Variants in MAN1A1 observed in about 807,000 individuals in gnomAD.
MAN1A1 encodes the protein mannosyl-oligosaccharide 1,2-alpha-mannosidase IA.
In MAN1A1, 29 loss-of-function variants were observed where a neutral mutation model predicts 70.8. The observed-to-expected ratio is 0.41, with a 90% confidence interval of 0.31 to 0.56. The LOEUF (loss-of-function observed/expected upper bound fraction) is 0.56. MAN1A1 is among the 20% of genes least tolerant of loss of function. The probability of loss-of-function intolerance (pLI) is 0.29; values close to 1 mark genes in which losing one functional copy is unlikely to be tolerated. For missense variants in MAN1A1, 747 were observed against 841.3 expected, an observed-to-expected ratio of 0.89 and a Z score of 1.39; for synonymous variants, 349 against 330.1, an observed-to-expected ratio of 1.06 and a Z score of -0.62.
At chr6:119,191,710 G>C (rs1187252102) in intron 9 of MAN1A1, among the ~76,000 whole-genome samples, 13 of 152,030 alleles carry the variant, frequency 8.6e-5, no homozygotes, top group Non-Finnish European at 1.6e-4. Flanking sequence ...ATGATAGCCA[G>C]TTGAAAGCTC....
intron 6 of MAN1A1, among the ~76,000 whole-genome samples, chr6:119,213,071 G>C (rs1290560055): frequency 6.6e-6 from 1 of 152,280 alleles, no homozygotes; most frequent in East Asian, 1.9e-4. Context: ...TAATTTTTAA[G>C]CTGCATGAGG....
At chr6:119,193,157 A>G (rs1005164161) in intron 9 of MAN1A1, among the ~76,000 whole-genome samples, 3 of 152,184 alleles carry the variant, frequency 2.0e-5, no homozygotes, top group African/African-American at 7.2e-5. Flanking sequence ...AATAATCTCA[A>G]GTACTGTGAG....
intron 3 of MAN1A1, among the ~76,000 whole-genome samples, chr6:119,304,753 T>C (rs560867798): frequency 1.3e-5 from 2 of 152,304 alleles, no homozygotes; most frequent in Admixed American, 6.5e-5. Context: ...TAATGCCTAA[T>C]ACTTTCTCCA....
intron 2 of MAN1A1, 84 bp downstream of exon 2, chr6:119,348,379 G>T: frequency 1.5e-6 from 2 of 1,310,498 alleles, no homozygotes; most frequent in Non-Finnish European, 2.1e-6. Context: ...TTGCATTGTT[G>T]CAGTCTTCAG....
At chr6:119,242,590 T>C (rs1215112047) in intron 6 of MAN1A1, among the ~76,000 whole-genome samples, 1 of 152,184 alleles carries the variant, frequency 6.6e-6, no homozygotes, top group East Asian at 1.9e-4. Flanking sequence ...CATATTCATA[T>C]ATACTCTTTC....
chr6:119,250,215 C>T (rs1775279958), intron 5 of MAN1A1, among the ~76,000 whole-genome samples: 1 of 152,174 alleles, frequency 6.6e-6, no homozygotes, highest in African/African-American at 2.4e-5. Flanking sequence ...TGGTTTCTAC[C>T]CAACTTGTAA....
chr6:119,296,282 G>C (rs1430066575), intron 4 of MAN1A1, among the ~76,000 whole-genome samples: 2 of 152,090 alleles, frequency 1.3e-5, no homozygotes, highest in African/African-American at 2.4e-5. Flanking sequence ...TAATAGACTG[G>C]TTTTACCATG....
intron 3 of MAN1A1, among the ~76,000 whole-genome samples, chr6:119,302,893 C>T (rs10457352): frequency 0.32 from 48,304 of 152,070 alleles, 8,184 homozygotes; most frequent in Non-Finnish European, 0.36. Context: ...CCCTCCATCC[C>T]CTACAAGTCC....
intron 2 of MAN1A1, among the ~76,000 whole-genome samples, chr6:119,334,803 T>C (rs1247129244): frequency 6.6e-6 from 1 of 152,264 alleles, no homozygotes; most frequent in African/African-American, 2.4e-5. Context: ...TTTACACATG[T>C]AGTTATCTCT....
At chr6:119,333,569 A>G (rs1467745332) in intron 2 of MAN1A1, among the ~76,000 whole-genome samples, 1 of 152,246 alleles carries the variant, frequency 6.6e-6, no homozygotes, top group African/African-American at 2.4e-5. Flanking sequence ...ACAGAAAAAG[A>G]CAGCTAATAC....
At chr6:119,199,327 T>A (rs78437356) in intron 8 of MAN1A1, among the ~76,000 whole-genome samples, 1 of 152,150 alleles carries the variant, frequency 6.6e-6, no homozygotes, top group Non-Finnish European at 1.5e-5. Flanking sequence ...GCCTAAATAA[T>A]CATTTTTTAA....
intron 5 of MAN1A1, among the ~76,000 whole-genome samples, chr6:119,282,158 C>G (rs1768736957): frequency 6.6e-6 from 1 of 152,194 alleles, no homozygotes. Context: ...GCAATGAGAT[C>G]AAGGGCTAGG....
Position 119,306,908 on chromosome 6 carries a change from T to C in MAN1A1, c.688A>G (p.Ser230Gly), listed in dbSNP as rs761148884. 56 of 1,584,854 alleles carry C rather than the reference T, an allele frequency of 3.5e-5. No individual in the cohort carries two copies. Among genetic ancestry groups the C allele is most frequent in the Non-Finnish European group, 4.8e-5 (55 of 1,153,860 alleles). The change falls in exon 3 of 13, where the codon AGC (serine) becomes GGC (glycine). Residue 230 changes from serine to glycine, a missense_variant. Ser to Gly is a moderately conservative substitution (Grantham distance 56, BLOSUM62 0). Around this residue, in one of 2 missense-constraint regions of MAN1A1, gnomAD observed 419 missense variants for 548.2 expected, o/e 0.76. Transcript: ENST00000368468. ...LKPISKGGHSSSLFGNIKGAT... is the reference protein window; with the variant it reads ...LKPISKGGHSGSLFGNIKGAT... Reference sequence around the variant, plus strand: ...CACATCTACTCACCAAACAAACTGCTTGAATGGCCTCCTTTTGATATAGGT... The same window carrying C: ...CACATCTACTCACCAAACAAACTGCCTGAATGGCCTCCTTTTGATATAGGT...
At chr6:119,209,100 A>AG (rs1773972796) in intron 6 of MAN1A1, among the ~76,000 whole-genome samples, 1 of 151,828 alleles carries the variant, frequency 6.6e-6, no homozygotes, top group Non-Finnish European at 1.5e-5. Context: ...CAAAAAAAAA[A>AG]AAAAAAAAAG....
At chr6:119,283,163 G>A (rs1317983333) in intron 5 of MAN1A1, among the ~76,000 whole-genome samples, 1 of 152,206 alleles carries the variant, frequency 6.6e-6, no homozygotes, top group Non-Finnish European at 1.5e-5. Flanking sequence ...TAGAGATCAT[G>A]CATATTGTCC....
At chr6:119,321,935 G>C (rs1293769221) in intron 2 of MAN1A1, among the ~76,000 whole-genome samples, 1 of 152,038 alleles carries the variant, frequency 6.6e-6, no homozygotes, top group African/African-American at 2.4e-5. Flanking sequence ...TGTTTACTTT[G>C]AGCAATGGTA....
chr6:119,219,217 C>T lies in MAN1A1; in HGVS notation c.993-14335G>A, dbSNP rs147707413. Among the ~76,000 whole-genome samples the T allele has an allele frequency of 7.3e-4, 110 of 151,042 alleles. 1 individual carries two copies. The East Asian group carries it at 0.012, about 17-fold the overall frequency. On this transcript the variant is annotated intron_variant, in intron 6 of 12. Coordinates refer to ENST00000368468, the MANE Select transcript of MAN1A1 (RefSeq NM_005907.4). ...TTTCTTTATAGAGATTTAGTGTTTT[C>T]ATCAATATTTCTCCATAAAGAGAAG...
At chr6:119,242,482 G>C (rs1775039364) in intron 6 of MAN1A1, among the ~76,000 whole-genome samples, 1 of 152,084 alleles carries the variant, frequency 6.6e-6, no homozygotes, top group Non-Finnish European at 1.5e-5. Flanking sequence ...AGCTTGAACA[G>C]GTCAGGAGCA....
chr6:119,189,771 C>A lies in MAN1A1; in HGVS notation c.1439G>T (p.Gly480Val). 1 of 1,614,088 alleles carries A rather than the reference C, an allele frequency of 6.2e-7. No homozygotes were observed. Among genetic ancestry groups the A allele is most frequent in the Non-Finnish European group, 8.5e-7 (1 of 1,179,996 alleles). ...KMGHLTCFAGGMFALGADAAP... is the reference protein window; with the variant it reads ...KMGHLTCFAGVMFALGADAAP... ...TGCATCAGCCCCGAGTGCGAACATG[C>A]CCCCCGCGAAGCAGGTCAGGTGGCC... The change falls in exon 10 of 13, where the codon GGC becomes GTC. Residue 480 changes from glycine (G) to valine (V), a missense_variant. Coordinates refer to ENST00000368468, the MANE Select transcript of MAN1A1 (RefSeq NM_005907.4).
Sources: gnomAD v4.1 joint callset for allele counts (sites outside exome capture counted in the v4.1 genomes callset) on GRCh38, gnomAD v4.1.1 for gene constraint, gnomAD v4.1.1 regional missense constraint, MANE v1.5 for transcripts, NCBI Gene and HGNC (gene_info 2026-07-23, HGNC 2026-07-21) for gene names.